LRMDA: variants seen among roughly 807,000 people sequenced by gnomAD.
LRMDA encodes the protein leucine-rich melanocyte differentiation-associated protein.
LRMDA carries 18 observed loss-of-function variants against 29.8 expected under a neutral mutation model. That is an observed-to-expected ratio of 0.60 (90% CI 0.42 to 0.90). The LOEUF (loss-of-function observed/expected upper bound fraction) is 0.90, where lower values mean the gene tolerates loss of function less well. LRMDA is among the 40% of genes least tolerant of loss of function. The pLI is 0.00. For synonymous variants in LRMDA, 125 were observed against 109.4 expected (o/e 1.14, Z -0.89); for missense variants, 273 against 273.9 (o/e 1.00, Z 0.02).
intron 5 of LRMDA, among the ~76,000 whole-genome samples, chr10:76,315,906 C>A (rs889086946): frequency 2.0e-5 from 3 of 152,150 alleles, no homozygotes; most frequent in African/African-American, 7.2e-5. Context: ...ACACCCTCCC[C>A]ACTCCAATGA....
At chr10:75,740,258 A>G (rs932031659) in intron 2 of LRMDA, among the ~76,000 whole-genome samples, 3 of 152,218 alleles carry the variant, frequency 2.0e-5, no homozygotes, top group Non-Finnish European at 4.4e-5. Flanking sequence ...ATGCTGACGC[A>G]GACCGACGGG....
intron 2 of LRMDA, among the ~76,000 whole-genome samples, chr10:75,703,483 G>A (rs1842332326): frequency 6.6e-6 from 1 of 152,232 alleles, no homozygotes; most frequent in South Asian, 2.1e-4. Context: ...CCAGGTGTGA[G>A]GAGGTTAAAA....
chr10:76,058,253 A>T (rs1208860564), intron 4 of LRMDA, among the ~76,000 whole-genome samples: 1 of 152,252 alleles, frequency 6.6e-6, no homozygotes, highest in Non-Finnish European at 1.5e-5. Context: ...TATGATACAG[A>T]TGACCCATAG....
intron 2 of LRMDA, among the ~76,000 whole-genome samples, chr10:75,653,984 T>A (rs1286321179): frequency 6.6e-6 from 1 of 152,184 alleles, no homozygotes; most frequent in Non-Finnish European, 1.5e-5. Flanking sequence ...AGTCCCCGGG[T>A]TGGCCTCTAT....
chr10:75,670,039 T>C (rs1841872177), intron 2 of LRMDA, among the ~76,000 whole-genome samples: 1 of 152,224 alleles, frequency 6.6e-6, no homozygotes. Context: ...TTCCATTCAT[T>C]GAAAGCAAAT....
intron 2 of LRMDA, among the ~76,000 whole-genome samples, chr10:75,658,932 C>G (rs370242474): frequency 6.6e-6 from 1 of 152,176 alleles, no homozygotes; most frequent in East Asian, 1.9e-4. Flanking sequence ...GGCATTCAAG[C>G]TGAGTGCTGT....
chr10:76,105,285 T>C (rs1356986560), intron 5 of LRMDA, among the ~76,000 whole-genome samples: 1 of 152,098 alleles, frequency 6.6e-6, no homozygotes, highest in Non-Finnish European at 1.5e-5. Flanking sequence ...TTCGTTACCG[T>C]TTTTTTCCAT....
At chr10:76,229,900 G>A (rs1852028233) in intron 5 of LRMDA, among the ~76,000 whole-genome samples, 1 of 152,056 alleles carries the variant, frequency 6.6e-6, no homozygotes, top group Non-Finnish European at 1.5e-5. Flanking sequence ...ACTTTCTTAA[G>A]CCCATTCACC....
At chr10:75,932,399 G>A (rs1021764226) in intron 2 of LRMDA, among the ~76,000 whole-genome samples, 18 of 152,146 alleles carry the variant, frequency 1.2e-4, no homozygotes, top group African/African-American at 4.3e-4. Context: ...GACAGCCTGA[G>A]GCCAGGAGTT....
At chr10:76,327,510 G>C (rs1367464301) in intron 6 of LRMDA, among the ~76,000 whole-genome samples, 1 of 152,200 alleles carries the variant, frequency 6.6e-6, no homozygotes, top group Admixed American at 6.5e-5. Context: ...AGTGTTCCCT[G>C]TTCAGGGATT....
chr10:75,832,879 GC>G (rs1844370336), intron 2 of LRMDA, among the ~76,000 whole-genome samples: 1 of 152,258 alleles, frequency 6.6e-6, no homozygotes, highest in East Asian at 1.9e-4. Context: ...AGAAAGACCT[GC>G]CCCCATGATT....
intron 3 of LRMDA, among the ~76,000 whole-genome samples, chr10:76,043,501 C>T (rs758852066): frequency 2.0e-5 from 3 of 151,612 alleles, no homozygotes; most frequent in South Asian, 2.1e-4. Flanking sequence ...CCTAGTGGAG[C>T]GAGACAGTGA....
intron 2 of LRMDA, among the ~76,000 whole-genome samples, chr10:75,516,847 T>G (rs1845295960): frequency 6.6e-6 from 1 of 152,166 alleles, no homozygotes; most frequent in Admixed American, 6.5e-5. Context: ...AACATTTAAG[T>G]CATCAATCCA....
chr10:76,058,689 C>T lies in LRMDA; in HGVS notation c.422C>T (p.Pro141Leu). 6.2e-7 allele frequency: 1 copy of T among 1,613,920 alleles called. No individual in the cohort carries two copies. Among genetic ancestry groups the T allele is most frequent in the Non-Finnish European group, 8.5e-7 (1 of 1,179,922 alleles). ...AGATGCTTTGTTCTGTACAAGCTGC[C>T]CAACTTGAAATTTCTGGATGCCCAG... ...RYRCFVLYKLPNLKFLDAQKV... is the reference protein window; with the variant it reads ...RYRCFVLYKLLNLKFLDAQKV... Residue 141 changes from proline (P) to leucine (L), a missense_variant, in exon 5 of 7, where the codon CCC becomes CTC. Pro to Leu is a moderately conservative substitution (Grantham distance 98). Coordinates refer to ENST00000611255, the MANE Select transcript of LRMDA (RefSeq NM_001305581.2).
intron 5 of LRMDA, among the ~76,000 whole-genome samples, chr10:76,198,905 C>G (rs1157259532): frequency 6.6e-6 from 1 of 152,164 alleles, no homozygotes; most frequent in African/African-American, 2.4e-5. Context: ...ATGAAGACTC[C>G]TTAATCAGTT....
At chr10:75,818,469 A>C in intron 2 of LRMDA, among the ~76,000 whole-genome samples, 1 of 152,246 alleles carries the variant, frequency 6.6e-6, no homozygotes, top group East Asian at 1.9e-4. Flanking sequence ...AGTGGTGTGT[A>C]GGTGACTCAG....
intron 2 of LRMDA, among the ~76,000 whole-genome samples, chr10:75,490,404 G>A (rs1008738916): frequency 1.3e-5 from 2 of 151,616 alleles, no homozygotes; most frequent in African/African-American, 2.4e-5. Context: ...CTGCTTTGGG[G>A]CTAACCCTCT....
intron 6 of LRMDA, among the ~76,000 whole-genome samples, chr10:76,395,666 C>T (rs1045914634): frequency 2.6e-5 from 4 of 152,148 alleles, no homozygotes; most frequent in Non-Finnish European, 4.4e-5. Flanking sequence ...ATTAGTTTTC[C>T]TTAATCTAAG....
At chr10:75,576,545 G>C (rs1840508231) in intron 2 of LRMDA, among the ~76,000 whole-genome samples, 1 of 152,242 alleles carries the variant, frequency 6.6e-6, no homozygotes, top group Non-Finnish European at 1.5e-5. Flanking sequence ...GCCTCCTCAA[G>C]TGGGCCCCTG....
Sources: allele counts gnomAD v4.1 joint callset (sites outside exome capture counted in the v4.1 genomes callset), GRCh38; gene constraint gnomAD v4.1.1; transcripts MANE v1.5; gene names NCBI Gene and HGNC (gene_info 2026-07-23, HGNC 2026-07-21).